Variants in AHDC1 observed in about 807,000 individuals in gnomAD.
The protein encoded by AHDC1 is AT-hook DNA binding motif containing 1, also known as transcription factor Gibbin.
Under a neutral mutation model 87.9 loss-of-function variants are expected in AHDC1, and 7 were observed. That is an observed-to-expected ratio of 0.08 (90% confidence interval 0.05 to 0.15). The LOEUF (loss-of-function observed/expected upper bound fraction) is 0.15. AHDC1 is among the 10% of genes least tolerant of loss of function. The probability of loss-of-function intolerance (pLI) is 1.00; values close to 1 mark genes in which losing one functional copy is unlikely to be tolerated. For missense variants in AHDC1, 1,841 were observed against 2,253.2 expected, an observed-to-expected ratio of 0.82 and a Z score of 3.70; for synonymous variants, 1,051 against 1,006.8, an observed-to-expected ratio of 1.04 and a Z score of -0.83.
At chr1:27,536,755 G>C (rs573351152) in intron 8 of AHDC1, among the ~76,000 whole-genome samples, 1 of 152,088 alleles carries the variant, frequency 6.6e-6, no homozygotes, top group Non-Finnish European at 1.5e-5. Flanking sequence ...AGGATGGGCT[G>C]CTCCAAACCA....
chr1:27,540,796 G>T (rs1351276507), intron 8 of AHDC1, among the ~76,000 whole-genome samples: 1 of 151,848 alleles, frequency 6.6e-6, no homozygotes, highest in African/African-American at 2.4e-5. Flanking sequence ...CTGAAAAAAA[G>T]GTTGGGTGCC....
In AHDC1 at chr1:27,562,847, C is replaced by G. The variant is rs2020153646; in HGVS notation, c.-628-3964G>C. On this transcript the variant is annotated intron_variant, in intron 3 of 8. Transcript: ENST00000673934. The surrounding 1 kb of genome is among the most constrained non-coding windows in gnomAD (Gnocchi z 4.4). ...GCATGAGAGAATCACACATGCCACT[C>G]CCCACAACAGCCTGCGACGGGCACA... Among the ~76,000 whole-genome samples the G allele has an allele frequency of 6.6e-6, 1 of 152,304 alleles. No individual in the cohort carries two copies. Among genetic ancestry groups the G allele is most frequent in the South Asian group, 2.1e-4 (1 of 4,822 alleles).
Position 27,548,283 on chromosome 1 carries a change from C to T in AHDC1, c.3833G>A (p.Gly1278Glu), listed in dbSNP as rs1415228979. The change falls in exon 8 of 9, where the codon GGG (glycine) becomes GAG (glutamate). Residue 1278 changes from glycine to glutamate, a missense_variant. By Grantham distance (98) the Gly-to-Glu change is moderately conservative. Transcript: ENST00000673934. The part of the protein sequence containing the change: ...PRQPRGGRGG[G>E]ACSAKKERGG... Reference sequence around the variant, plus strand: ...CCGCTCCTTCTTGGCTGAGCAGGCCCCACCGCCCCGTCCACCTCGCGGCTG... The same window carrying T: ...CCGCTCCTTCTTGGCTGAGCAGGCCTCACCGCCCCGTCCACCTCGCGGCTG... 1 of 1,608,004 alleles carries T rather than the reference C, an allele frequency of 6.2e-7. No individual in the cohort carries two copies. The highest frequency in any genetic ancestry group is 1.3e-5 in the African/African-American group (1 of 74,874).
In AHDC1 at chr1:27,550,649, G is replaced by A; in HGVS notation, c.1467C>T (p.Asn489=). 3 of 1,613,592 alleles carry A rather than the reference G, an allele frequency of 1.9e-6. No homozygotes were observed. The highest frequency in any genetic ancestry group is 1.6e-4 in the Middle Eastern group (1 of 6,062). The change falls in exon 8 of 9, where the codon AAC becomes AAT. Residue 489 remains asparagine, a synonymous_variant. Coordinates refer to ENST00000673934, the MANE Select transcript of AHDC1 (RefSeq NM_001371928.1). ...AKIPVSLGRR[N]KTTYKVSSLS... The stretch of plus-strand genomic sequence containing the variant: ...AGGAAGACACTTTGTATGTGGTCTT[G>A]TTCCGCCGCCCCAGCGATACGGGGA...
intron 8 of AHDC1, among the ~76,000 whole-genome samples, chr1:27,536,406 G>C (rs990209326): frequency 6.6e-6 from 1 of 152,320 alleles, no homozygotes; most frequent in East Asian, 1.9e-4. Flanking sequence ...CTGTCAGGTT[G>C]CCTGCAGTTG....
Position 27,590,557 on chromosome 1 carries a change from G to A in AHDC1, c.-629+12840C>T, listed in dbSNP as rs749388606. Among the ~76,000 whole-genome samples, 20 of 150,686 alleles carry A rather than the reference G, an allele frequency of 1.3e-4. No homozygotes were observed. The highest frequency in any genetic ancestry group is 2.0e-4 in the Admixed American group (3 of 15,104). ...CACCTCCAAGTCCGAGGGCTCTCAAGGTGAGTGTTTTGCTTCTCTCAGACT... is the reference window on the plus strand; with the variant it reads ...CACCTCCAAGTCCGAGGGCTCTCAAAGTGAGTGTTTTGCTTCTCTCAGACT... On this transcript the variant is annotated intron_variant, in intron 3 of 8. Transcript: ENST00000673934. The surrounding 1 kb of genome is among the most constrained non-coding windows in gnomAD (Gnocchi z 5.4).
Position 27,558,821 on chromosome 1 carries a change from C to G in AHDC1, c.-566G>C. 2.5e-6 allele frequency: 1 copy of G among 398,714 alleles called. No individual in the cohort carries two copies. Among genetic ancestry groups the G allele is most frequent in the Non-Finnish European group, 4.4e-6 (1 of 226,094 alleles). The allele number at this position is 398,714 out of a possible 1,614,324, so 24.7% of individuals were successfully genotyped here. Reference sequence around the variant, plus strand: ...CGCCCCGCACTCGGGGCCCTCTGCACACGCTCAACTGGGTGGGCTCTGGGG... The same window carrying G: ...CGCCCCGCACTCGGGGCCCTCTGCAGACGCTCAACTGGGTGGGCTCTGGGG... On this transcript the variant is annotated 5_prime_UTR_variant, in exon 4 of 9. Coordinates refer to ENST00000673934, the MANE Select transcript of AHDC1 (RefSeq NM_001371928.1). The surrounding 1 kb of genome is among the most constrained non-coding windows in gnomAD (Gnocchi z 5.6).
At position 27,550,139 on chromosome 1, in the gene AHDC1, C is replaced by T; in HGVS notation, c.1977G>A (p.Leu659=). ...GCCGCCGGAAGCCCTGCACACGATGCAGGAAGTGGGAGATGCTCTGGGTGT... is the reference window on the plus strand; with the variant it reads ...GCCGCCGGAAGCCCTGCACACGATGTAGGAAGTGGGAGATGCTCTGGGTGT... The part of the protein sequence containing the change: ...APDTQSISHF[L]HRVQGFRRRG... Residue 659 remains leucine, a synonymous_variant, in exon 8 of 9, where the codon CTG becomes CTA. Transcript: ENST00000673934. The T allele has an allele frequency of 2.5e-6, 4 of 1,610,718 alleles. No homozygotes were observed. Among genetic ancestry groups the T allele is most frequent in the Non-Finnish European group, 3.4e-6 (4 of 1,179,920 alleles).
At chr1:27,580,294 ATG>A (rs1442585350) in intron 3 of AHDC1, among the ~76,000 whole-genome samples, 1 of 152,166 alleles carries the variant, frequency 6.6e-6, no homozygotes, top group Non-Finnish European at 1.5e-5. Flanking sequence ...GCTGGGGGTC[ATG>A]TGGGACAGAT....
At chr1:27,601,628 T>C (rs1333937015) in intron 3 of AHDC1, among the ~76,000 whole-genome samples, 1 of 152,200 alleles carries the variant, frequency 6.6e-6, no homozygotes, top group Non-Finnish European at 1.5e-5. Context: ...TAAAAATAAA[T>C]ATACATCTGC....
intron 7 of AHDC1, 143 bp from the exon 8 acceptor site, chr1:27,552,332 C>T (rs1194984699): frequency 2.8e-6 from 2 of 721,344 alleles, no homozygotes; most frequent in Non-Finnish European, 2.0e-6. Context: ...AAGCCCCATC[C>T]CCTTGCTGAC....
chr1:27,541,001 TAAAA>T (rs55912405), intron 8 of AHDC1, among the ~76,000 whole-genome samples: 15 of 72,396 alleles, frequency 2.1e-4, no homozygotes, highest in Middle Eastern at 9.4e-3. Flanking sequence ...CTAAAAATGC[TAAAA>T]AAAAAAAAAA....
At chr1:27,559,851 C>T (rs966792088) in intron 3 of AHDC1, among the ~76,000 whole-genome samples, 4 of 152,192 alleles carry the variant, frequency 2.6e-5, no homozygotes, top group Non-Finnish European at 5.9e-5. Flanking sequence ...CCAGGCCTCA[C>T]GGATTGCTTA....
intron 5 of AHDC1, among the ~76,000 whole-genome samples, chr1:27,554,892 C>T (rs1301743376): frequency 1.3e-5 from 2 of 152,222 alleles, no homozygotes; most frequent in East Asian, 1.9e-4. Context: ...CCCACTGAAT[C>T]CTCACAGCAG....
In AHDC1 at chr1:27,560,017, G is replaced by A. The variant is rs540871309; in HGVS notation, c.-628-1134C>T. On this transcript the variant is annotated intron_variant, in intron 3 of 8. Transcript: ENST00000673934. The surrounding 1 kb of genome is among the most constrained non-coding windows in gnomAD (Gnocchi z 4.1). ...CGTGTGCTTCTCTGTATTTCTGTAC[G>A]TCTGTGTGGGTACATGTGGGCTTAA... Among the ~76,000 whole-genome samples, 17 of 152,330 alleles carry A rather than the reference G, an allele frequency of 1.1e-4. No homozygotes were observed. Among genetic ancestry groups the A allele is most frequent in the African/African-American group, 3.4e-4 (14 of 41,572 alleles).
In AHDC1 at chr1:27,552,068, G is replaced by A; in HGVS notation, c.48C>T (p.Cys16=). The part of the protein sequence containing the change: ...QGLVVTSSAV[C]SSPDYLREPK... ...GTTCCCGGAGGTAGTCAGGAGAGCT[G>A]CACACGGCACTGGAAGTCACCACCA... The change falls in exon 8 of 9, where the codon TGC becomes TGT. Residue 16 remains cysteine, a synonymous_variant. Coordinates refer to ENST00000673934, the MANE Select transcript of AHDC1 (RefSeq NM_001371928.1). The A allele has an allele frequency of 6.7e-7, 1 of 1,498,250 alleles. No homozygotes were observed. Among genetic ancestry groups the A allele is most frequent in the Non-Finnish European group, 8.9e-7 (1 of 1,124,358 alleles). 92.8% of individuals were successfully genotyped at this position (1,498,250 alleles called of 1,614,324 possible). A position where few individuals can be genotyped will look rare whatever the true frequency, so the allele number is the denominator to read the frequency against.
intron 8 of AHDC1, among the ~76,000 whole-genome samples, chr1:27,538,387 A>G (rs2018742544): frequency 1.4e-5 from 2 of 141,296 alleles, no homozygotes; most frequent in Non-Finnish European, 3.0e-5. Context: ...TGGGTGACAG[A>G]GCAAGACTGT....
In AHDC1 at chr1:27,548,405, C is replaced by T. The variant is rs1335947672; in HGVS notation, c.3711G>A (p.Lys1237=). 1 of 1,610,210 alleles carries T rather than the reference C, an allele frequency of 6.2e-7. No homozygotes were observed. Among genetic ancestry groups the T allele is most frequent in the East Asian group, 2.2e-5 (1 of 44,792 alleles). The change falls in exon 8 of 9, where the codon AAG becomes AAA. Residue 1237 remains lysine, a synonymous_variant. Transcript: ENST00000673934. ...SSSKPGRGRR[K]KVDLFEASHL... The stretch of plus-strand genomic sequence containing the variant: ...GTGAGGCCTCGAACAGGTCCACCTT[C>T]TTCCGCCGTCCACGGCCCGGCTTGG...
intron 8 of AHDC1, among the ~76,000 whole-genome samples, chr1:27,538,717 G>A (rs1231357084): frequency 6.6e-6 from 1 of 152,100 alleles, no homozygotes; most frequent in Non-Finnish European, 1.5e-5. Flanking sequence ...GTTCCATCAT[G>A]TTGCCCAGGC....
Sources: allele counts gnomAD v4.1 joint callset (sites outside exome capture counted in the v4.1 genomes callset), GRCh38; gene constraint gnomAD v4.1.1; non-coding constraint Gnocchi (gnomAD v3.1); transcripts MANE v1.5; gene names NCBI Gene and HGNC (gene_info 2026-07-23, HGNC 2026-07-21).